Variants in MUC5B observed in about 807,000 individuals in gnomAD.
The protein encoded by MUC5B is mucin-5B.
A neutral mutation model predicts 376.9 loss-of-function variants in MUC5B; 116 were observed. The ratio of observed to expected loss-of-function variants is 0.31; its 90% CI spans 0.26 to 0.36. MUC5B has a LOEUF of 0.36. Among genes scored for constraint, MUC5B ranks in the 10% least tolerant of loss-of-function variants. The pLI is 1.00. For synonymous variants in MUC5B, 3,517 were observed against 3,390.9 expected, an observed-to-expected ratio of 1.04 and a Z score of -1.29; for missense variants, 7,165 against 7,769.9, an observed-to-expected ratio of 0.92 and a Z score of 2.93.
Position 1,251,294 on chromosome 11 carries a change from C to T in MUC5B, c.14414C>T (p.Ser4805Phe), listed in dbSNP as rs1359624160. The change falls in exon 31 of 49, where the codon TCC becomes TTC. Residue 4805 changes from serine to phenylalanine, a missense_variant. Physicochemically the swap from Ser to Phe is radical, Grantham distance 155. Transcript: ENST00000529681. ...GCCACCATGACAAGGGCCACCAATTCCACGGCCACACCCTCCTCCACTCTG... is the reference window on the plus strand; with the variant it reads ...GCCACCATGACAAGGGCCACCAATTTCACGGCCACACCCTCCTCCACTCTG... ...TTATMTRATN[S>F]TATPSSTLGT... 1 of 1,611,542 alleles carries T rather than the reference C, an allele frequency of 6.2e-7. No homozygotes were observed. Among genetic ancestry groups the T allele is most frequent in the Non-Finnish European group, 8.5e-7 (1 of 1,178,438 alleles).
rs376046120 is a variant in MUC5B at position 1,244,766 on chromosome 11, C to T, written c.7886C>T (p.Thr2629Met). The change falls in exon 31 of 49, where the codon ACG becomes ATG. Residue 2629 changes from threonine (T) to methionine (M), a missense_variant. Thr to Met is a moderately conservative substitution (Grantham distance 81). Transcript: ENST00000529681. ...TPSSSPGTARTLPVWISTTTT... is the reference protein window; with the variant it reads ...TPSSSPGTARMLPVWISTTTT... ...TCCTCCAGCCCAGGGACGGCACGCA[C>T]GCTTCCAGTGTGGATCAGCACAACC... 48 of 1,612,380 alleles carry T rather than the reference C, an allele frequency of 3.0e-5. No homozygotes were observed. The highest frequency in any genetic ancestry group is 8.4e-5 in the Admixed American group (5 of 59,804).
intron 23 of MUC5B, 155 bp from the exon 24 acceptor site, chr11:1,236,231 T>G: frequency 4.6e-6 from 3 of 651,744 alleles, no homozygotes. Flanking sequence ...AAACCTTCGC[T>G]GAGGGTCTCA....
chr11:1,259,142 T>C, intron 44 of MUC5B, 81 bp downstream of exon 44: 1 of 1,342,550 alleles, frequency 7.4e-7, no homozygotes, highest in Non-Finnish European at 1.0e-6. Context: ...TGCCCCCAGG[T>C]GAGACCTGAG....
chr11:1,256,165 G>C lies in MUC5B; in HGVS notation c.16076G>C (p.Cys5359Ser). 1 of 733,430 alleles carries C rather than the reference G, an allele frequency of 1.4e-6. No individual in the cohort carries two copies. Among genetic ancestry groups the C allele is most frequent in the Non-Finnish European group, 2.5e-6 (1 of 395,066 alleles). 45.4% of individuals were successfully genotyped at this position (733,430 alleles called of 1,614,324 possible). A position where few individuals can be genotyped will look rare whatever the true frequency, so the allele number is the denominator to read the frequency against. The change falls in exon 38 of 49, where the codon TGC becomes TCC. Residue 5359 changes from cysteine to serine, a missense_variant. Transcript: ENST00000529681. ...CTCTCTGTGCCCACAGACCTCACCT[G>C]CCCACCCACCAAAGTGTACAAGCCA... ...GATGGLCDLT[C>S]PPTKVYKPCG...
intron 11 of MUC5B, 30 bp from the exon 12 acceptor site, chr11:1,230,460 C>CCCAATG (rs764332786): frequency 1.9e-6 from 3 of 1,552,022 alleles, no homozygotes; most frequent in Non-Finnish European, 1.8e-6. Context: ...TCGAGCCAGG[C>CCCAATG]CCAATGCACG....
chr11:1,244,196 T>A lies in MUC5B; in HGVS notation c.7316T>A (p.Leu2439Gln), dbSNP rs2943498. ...TPGTTWILTE[L>Q]TTTATTTEST... Reference sequence around the variant, plus strand: ...GGGACGACCTGGATCCTCACAGAGCTGACCACAACAGCCACTACGACTGAG... The same window carrying A: ...GGGACGACCTGGATCCTCACAGAGCAGACCACAACAGCCACTACGACTGAG... The change falls in exon 31 of 49, where the codon CTG becomes CAG. Residue 2439 changes from leucine (L) to glutamine (Q), a missense_variant. Around this residue, in one of 31 missense-constraint regions of MUC5B, gnomAD observed 194 missense variants for 268.5 expected, o/e 0.72. Coordinates refer to ENST00000529681, the MANE Select transcript of MUC5B (RefSeq NM_002458.3). The A allele has an allele frequency of 2.9e-5, 46 of 1,612,220 alleles. No homozygotes were observed. The highest frequency in any genetic ancestry group is 1.7e-4 in the Middle Eastern group (1 of 5,992).
Position 1,231,536 on chromosome 11 carries a change from C to G in MUC5B, c.1654C>G (p.Pro552Ala). Residue 552 changes from proline (P) to alanine (A), a missense_variant, in exon 14 of 49, where the codon CCC becomes GCC. Around this residue, in one of 31 missense-constraint regions of MUC5B, gnomAD observed 640 missense variants for 733.0 expected, o/e 0.87. Coordinates refer to ENST00000529681, the MANE Select transcript of MUC5B (RefSeq NM_002458.3). Reference protein sequence around the residue: ...PLMQVFVRLDPAHQGQMCGLC... With the variant: ...PLMQVFVRLDAAHQGQMCGLC... ...CATGCAGGTGTTTGTCAGGCTGGAC[C>G]CCGCCCACCAGGGCCAGATGTGCGG... is the stretch of plus-strand genomic sequence containing the variant. 2 of 1,587,542 alleles carry G rather than the reference C, an allele frequency of 1.3e-6. No individual in the cohort carries two copies. Among genetic ancestry groups the G allele is most frequent in the Non-Finnish European group, 1.7e-6 (2 of 1,168,760 alleles).
rs367847582 is a variant in MUC5B, at chr11:1,255,096, C to A, written c.15720C>A (p.Ala5240=). 1.3e-6 allele frequency: 2 copies of A among 1,593,152 alleles called. No individual in the cohort carries two copies. The highest frequency in any genetic ancestry group is 1.3e-5 in the African/African-American group (1 of 74,452). ...GTCTCCAGCGGGACGGAACCACTGCCGCCAGTTGCAAGGACATGGCCAAGA... is the reference window on the plus strand; with the variant it reads ...GTCTCCAGCGGGACGGAACCACTGCAGCCAGTTGCAAGGACATGGCCAAGA... ...DDCLQRDGTT[A]ASCKDMAKTW... The change falls in exon 36 of 49, where the codon GCC becomes GCA. Residue 5240 remains alanine, a synonymous_variant. Coordinates refer to ENST00000529681, the MANE Select transcript of MUC5B (RefSeq NM_002458.3).
chr11:1,228,592 G>A lies in MUC5B; in HGVS notation c.803G>A (p.Gly268Glu), dbSNP rs1861943491. Residue 268 changes from glycine to glutamate, a missense_variant, in exon 8 of 49, where the codon GGG becomes GAG. Physicochemically the swap from Gly to Glu is moderately conservative, Grantham distance 98. Around this residue, in one of 31 missense-constraint regions of MUC5B, gnomAD observed 640 missense variants for 733.0 expected, o/e 0.87. Transcript: ENST00000529681. ...GGCATCTGCCACCGCACCCTGCTGG[G>A]GCCGGCCTTTGCGGAGTGCCACGCA... Reference protein sequence around the residue: ...EEGICHRTLLGPAFAECHALV... With the variant: ...EEGICHRTLLEPAFAECHALV... 1 of 1,530,486 alleles carries A rather than the reference G, an allele frequency of 6.5e-7. No homozygotes were observed. The allele number at this position is 1,530,486 out of a possible 1,614,324, so 94.8% of individuals were successfully genotyped here.
chr11:1,251,012 G>A lies in MUC5B; in HGVS notation c.14132G>A (p.Ser4711Asn). Residue 4711 changes from serine to asparagine, a missense_variant, in exon 31 of 49, where the codon AGC (serine) becomes AAC (asparagine). Ser to Asn is a conservative substitution (Grantham distance 46). This residue lies in a region of MUC5B where 730 missense variants were observed against 592.7 expected (regional missense o/e 1.23). Coordinates refer to ENST00000529681, the MANE Select transcript of MUC5B (RefSeq NM_002458.3). The part of the protein sequence containing the change: ...GTTPITPVLT[S>N]TATTPAATSS... ...ACACCCATCACCCCAGTGCTGACCAGCACGGCCACCACACCCGCAGCCACC... is the reference window on the plus strand; with the variant it reads ...ACACCCATCACCCCAGTGCTGACCAACACGGCCACCACACCCGCAGCCACC... 1 of 1,604,946 alleles carries A rather than the reference G, an allele frequency of 6.2e-7. No individual in the cohort carries two copies. The highest frequency in any genetic ancestry group is 8.5e-7 in the Non-Finnish European group (1 of 1,174,688).
rs746520675 is a variant in MUC5B at position 1,230,050 on chromosome 11, T to G, written c.1266T>G (p.Pro422=). ...GGCAGTGCCAGGACCTGCCGTGCCC[T>G]GGCACCTGCTCTGTGCAGGGCGGGG... is the stretch of plus-strand genomic sequence containing the variant. The part of the protein sequence containing the change: ...GLWQCQDLPC[P]GTCSVQGGAH... The change falls in exon 11 of 49, where the codon CCT becomes CCG. Residue 422 remains proline, a synonymous_variant. Coordinates refer to ENST00000529681, the MANE Select transcript of MUC5B (RefSeq NM_002458.3). The G allele has an allele frequency of 8.7e-6, 14 of 1,610,406 alleles. No homozygotes were observed. The South Asian group carries it at 1.5e-4, about 18-fold the overall frequency.
At position 1,248,218 on chromosome 11, in the gene MUC5B, C is replaced by A. The variant is rs778535130; in HGVS notation, c.11338C>A (p.Pro3780Thr). The A allele has an allele frequency of 1.0e-5, 16 of 1,601,760 alleles. No individual in the cohort carries two copies. The Admixed American group carries it at 2.5e-4, about 25-fold the overall frequency. Residue 3780 changes from proline to threonine, a missense_variant, in exon 31 of 49, where the codon CCA (proline) becomes ACA (threonine). By Grantham distance (38) the Pro-to-Thr change is conservative. This residue lies in a region of MUC5B where 72 missense variants were observed against 127.8 expected (regional missense o/e 0.56). Transcript: ENST00000529681. ...FSSPGTATAL[P>T]ALRSTATTPT... ...CAGTCCAGGGACTGCAACCGCCCTTCCAGCACTGAGAAGCACAGCCACCAC... is the reference window on the plus strand; with the variant it reads ...CAGTCCAGGGACTGCAACCGCCCTTACAGCACTGAGAAGCACAGCCACCAC...
rs1000880149 is a variant in MUC5B at position 1,258,551 on chromosome 11, C to A, written c.16593+184C>A. The stretch of plus-strand genomic sequence containing the variant: ...ACTCAGGGGCACCTTACGTCGACAG[C>A]CATGAGCTCCACAACTGCTGCCTCT... On this transcript the variant is annotated intron_variant, in intron 43 of 48. Transcript: ENST00000529681. This position sits in a 1 kb window ranked among gnomAD's most constrained non-coding sequence, Gnocchi z 5.5. Among the ~76,000 whole-genome samples the A allele has an allele frequency of 6.6e-6, 1 of 152,124 alleles. No individual in the cohort carries two copies. The highest frequency in any genetic ancestry group is 2.4e-5 in the African/African-American group (1 of 41,400).
chr11:1,242,025 C>G lies in MUC5B; in HGVS notation c.5145C>G (p.Pro1715=). The change falls in exon 31 of 49, where the codon CCC becomes CCG. Residue 1715 remains proline (P), a synonymous_variant. Coordinates refer to ENST00000529681, the MANE Select transcript of MUC5B (RefSeq NM_002458.3). ...GCACATGGCGCCCCTCACAGCCACC[C>G]ACGCTGGCCCCAACAACAATGGCAA... ...SLGTWRPSQP[P]TLAPTTMATS... 2 of 1,586,784 alleles carry G rather than the reference C, an allele frequency of 1.3e-6. No individual in the cohort carries two copies. Among genetic ancestry groups the G allele is most frequent in the Non-Finnish European group, 1.7e-6 (2 of 1,167,478 alleles).
rs1367447939 is a variant in MUC5B, at chr11:1,238,854, C to G, written c.3298-17C>G. 3.9e-6 allele frequency: 6 copies of G among 1,547,986 alleles called. No homozygotes were observed. The highest frequency in any genetic ancestry group is 5.2e-6 in the Non-Finnish European group (6 of 1,144,146). ...GGCCATTGTCCCGGCTGAGCTGCAC[C>G]TTGGCCTCACCCGCAGGTTGACTCC... On this transcript the variant is annotated splice_polypyrimidine_tract_variant and intron_variant, in intron 25 of 48. Coordinates refer to ENST00000529681, the MANE Select transcript of MUC5B (RefSeq NM_002458.3).
intron 31 of MUC5B, 119 bp from the exon 32 acceptor site, chr11:1,252,224 C>A: frequency 9.9e-7 from 1 of 1,015,122 alleles, no homozygotes; most frequent in Non-Finnish European, 1.4e-6. Context: ...CTGCCCTCTC[C>A]ACTCCCTTCC....
At chr11:1,232,619 G>A (rs770948273) in intron 16 of MUC5B, 25 bp from the exon 17 acceptor site, 9 of 1,600,818 alleles carry the variant, frequency 5.6e-6, no homozygotes, top group African/African-American at 2.7e-5. Flanking sequence ...GGTCCCTGAC[G>A]CCCCGATGCC....
chr11:1,259,674 G>C, intron 44 of MUC5B, 82 bp from the exon 45 acceptor site: 1 of 1,422,520 alleles, frequency 7.0e-7, no homozygotes, highest in Non-Finnish European at 9.9e-7. Context: ...TGGACCACTG[G>C]GGTGTAGACA....
At position 1,258,530 on chromosome 11, in the gene MUC5B, A is replaced by G. The variant is rs56306838; in HGVS notation, c.16593+163A>G. On this transcript the variant is annotated intron_variant, in intron 43 of 48. Coordinates refer to ENST00000529681, the MANE Select transcript of MUC5B (RefSeq NM_002458.3). This position sits in a 1 kb window ranked among gnomAD's most constrained non-coding sequence, Gnocchi z 5.5. ...CAGAGCTGGGACATGCTTGGGACTC[A>G]GGGGCACCTTACGTCGACAGCCATG... Among the ~76,000 whole-genome samples the G allele has an allele frequency of 0.025, 3,800 of 152,214 alleles. 61 individuals are homozygous for G. The highest frequency in any genetic ancestry group is 0.033 in the Non-Finnish European group (2,226 of 67,978).
Sources: allele counts gnomAD v4.1 joint callset (sites outside exome capture counted in the v4.1 genomes callset), GRCh38; gene constraint gnomAD v4.1.1; regional missense constraint gnomAD v4.1.1; non-coding constraint Gnocchi (gnomAD v3.1); transcripts MANE v1.5; gene names NCBI Gene and HGNC (gene_info 2026-07-23, HGNC 2026-07-21).